Variants in NPAS3 observed in about 807,000 individuals in gnomAD.
NPAS3 encodes neuronal PAS domain protein 3, also known as neuronal PAS domain-containing protein 3.
In NPAS3, 14 loss-of-function variants were observed where a neutral mutation model predicts 73.1. That is an observed-to-expected ratio of 0.19 (90% confidence interval 0.13 to 0.30). The LOEUF is 0.30. Ranked by LOEUF, NPAS3 falls within the 10% of genes least tolerant of loss-of-function variation. The probability of loss-of-function intolerance (pLI) is 1.00; values close to 1 mark genes in which losing one functional copy is unlikely to be tolerated. For missense variants in NPAS3, 1,096 were observed against 1,250.0 expected, an observed-to-expected ratio of 0.88 and a Z score of 1.86; for synonymous variants, 620 against 541.5, an observed-to-expected ratio of 1.14 and a Z score of -2.01.
chr14:33,177,110 A>ATTATTATTATTAT (rs1595614884), intron 2 of NPAS3, among the ~76,000 whole-genome samples: 1 of 128,588 alleles, frequency 7.8e-6, no homozygotes, highest in African/African-American at 3.4e-5. Flanking sequence ...TATTATTATT[A>ATTATTATTATTAT]TCTTTGAGAC....
chr14:33,754,317 A>G (rs2140784294), intron 7 of NPAS3, among the ~76,000 whole-genome samples: 1 of 152,260 alleles, frequency 6.6e-6, no homozygotes. Context: ...GAGACACAGC[A>G]GAGTAAGAGC....
At chr14:33,462,314 G>C (rs11848906) in intron 4 of NPAS3, among the ~76,000 whole-genome samples, 1 of 152,126 alleles carries the variant, frequency 6.6e-6, no homozygotes, top group Non-Finnish European at 1.5e-5. Context: ...CATTATTGCT[G>C]CTGGCAAACC....
intron 1 of NPAS3, among the ~76,000 whole-genome samples, chr14:33,045,235 G>A (rs542338989): frequency 6.6e-6 from 1 of 152,140 alleles, no homozygotes; most frequent in Non-Finnish European, 1.5e-5. Flanking sequence ...GATCACCAAG[G>A]ATCCCAGATG....
chr14:33,505,461 GCTGAAATAA>G, intron 4 of NPAS3, among the ~76,000 whole-genome samples: 1 of 152,068 alleles, frequency 6.6e-6, no homozygotes, highest in East Asian at 1.9e-4. Context: ...ATTCACATGA[GCTGAAATAA>G]CATATGAGTT....
chr14:33,512,533 A>G (rs374964357), intron 4 of NPAS3, among the ~76,000 whole-genome samples: 2 of 152,198 alleles, frequency 1.3e-5, no homozygotes, highest in East Asian at 1.9e-4. Flanking sequence ...ACCTCATGGC[A>G]TTTGTGGAAA....
chr14:33,503,988 T>C (rs2052641324), intron 4 of NPAS3, among the ~76,000 whole-genome samples: 1 of 152,018 alleles, frequency 6.6e-6, no homozygotes, highest in African/African-American at 2.4e-5. Context: ...GACGTTATGT[T>C]ATCTAGACAT....
At chr14:33,226,931 T>A (rs1378845639) in intron 3 of NPAS3, among the ~76,000 whole-genome samples, 1 of 152,246 alleles carries the variant, frequency 6.6e-6, no homozygotes, top group East Asian at 1.9e-4. Context: ...CTTTAAAATA[T>A]TGGCTTTCTT....
intron 3 of NPAS3, 85 bp from the exon 4 acceptor site, chr14:33,367,101 T>C (rs1055788482): frequency 3.1e-6 from 2 of 651,172 alleles, no homozygotes; most frequent in African/African-American, 1.8e-5. Flanking sequence ...TAGTCAATGA[T>C]GCCATTCAAG....
chr14:33,781,981 T>G (rs778226148), intron 9 of NPAS3, among the ~76,000 whole-genome samples: 7 of 152,224 alleles, frequency 4.6e-5, no homozygotes, highest in Non-Finnish European at 7.3e-5. Flanking sequence ...AGATGACTGA[T>G]AGTTCACTGG....
chr14:33,181,020 T>C (rs2139439304), intron 2 of NPAS3, among the ~76,000 whole-genome samples: 1 of 152,158 alleles, frequency 6.6e-6, no homozygotes, highest in South Asian at 2.1e-4. Context: ...ACTAGAGCAC[T>C]CCCCAGTGAA....
intron 4 of NPAS3, among the ~76,000 whole-genome samples, chr14:33,547,483 AGTTG>A (rs2054902453): frequency 6.6e-6 from 1 of 152,200 alleles, no homozygotes; most frequent in African/African-American, 2.4e-5. Flanking sequence ...ATGAATTCAG[AGTTG>A]GTTCACTGCC....
intron 5 of NPAS3, among the ~76,000 whole-genome samples, chr14:33,644,663 C>A (rs745745753): frequency 6.6e-6 from 1 of 152,208 alleles, no homozygotes; most frequent in Non-Finnish European, 1.5e-5. Flanking sequence ...TACACAGATA[C>A]AAGCGGAACC....
At chr14:33,619,596 C>T (rs1364034905) in intron 5 of NPAS3, among the ~76,000 whole-genome samples, 3 of 152,160 alleles carry the variant, frequency 2.0e-5, no homozygotes, top group Admixed American at 6.5e-5. Flanking sequence ...TGTGTGTATA[C>T]GTGCACACAC....
rs114395178 is a variant in NPAS3, at chr14:33,076,257, C to A, written c.140+20263C>A. Among the ~76,000 whole-genome samples the A allele has an allele frequency of 2.5e-3, 377 of 152,246 alleles. 1 individual carries two copies. The highest frequency in any genetic ancestry group is 8.0e-3 in the African/African-American group (334 of 41,526). Reference sequence around the variant, plus strand: ...TGCTTAGCGTGTTGCATGGGAAATTCTGTGTAAGGAAGTAAAGAGCTTTTT... The same window carrying A: ...TGCTTAGCGTGTTGCATGGGAAATTATGTGTAAGGAAGTAAAGAGCTTTTT... On this transcript the variant is annotated intron_variant, in intron 2 of 11. Coordinates refer to ENST00000356141, the Ensembl canonical transcript of NPAS3.
intron 2 of NPAS3, among the ~76,000 whole-genome samples, chr14:33,203,307 CT>C (rs1212077134): frequency 1.3e-5 from 2 of 151,994 alleles, no homozygotes; most frequent in Non-Finnish European, 2.9e-5. Flanking sequence ...AGGACCATGT[CT>C]TTTTTTATTT....
At chr14:33,147,730 A>AAAATATATATATAT (rs372663411) in intron 2 of NPAS3, among the ~76,000 whole-genome samples, 38 of 130,358 alleles carry the variant, frequency 2.9e-4, no homozygotes, top group African/African-American at 1.1e-3. Flanking sequence ...TAGAATAAAA[A>AAAATATATATATAT]ATATATATAT....
chr14:33,202,292 G>A (rs1273208608), intron 2 of NPAS3, among the ~76,000 whole-genome samples: 1 of 151,938 alleles, frequency 6.6e-6, no homozygotes, highest in Non-Finnish European at 1.5e-5. Flanking sequence ...AGTCCCAGCT[G>A]CCTGGGAGGC....
chr14:33,214,121 AC>A (rs1477447834), intron 2 of NPAS3: 14 of 152,212 alleles, frequency 9.2e-5, no homozygotes, highest in Non-Finnish European at 1.6e-4. Context: ...TAAAATGCAT[AC>A]ATAAAAATGA....
chr14:32,943,511 A>C (rs956284503), intron 1 of NPAS3, among the ~76,000 whole-genome samples: 2 of 152,058 alleles, frequency 1.3e-5, no homozygotes, highest in Admixed American at 1.3e-4. Context: ...TCTGGGATTC[A>C]GTGCTATGTT....
Sources: gnomAD v4.1 joint callset for allele counts (sites outside exome capture counted in the v4.1 genomes callset) on GRCh38, gnomAD v4.1.1 for gene constraint, MANE v1.5 for transcripts, NCBI Gene and HGNC (gene_info 2026-07-23, HGNC 2026-07-21) for gene names.